KAT6B: variants seen among roughly 807,000 people sequenced by gnomAD.
KAT6B encodes the protein histone acetyltransferase KAT6B.
A neutral mutation model predicts 187.5 loss-of-function variants in KAT6B; 10 were observed. The observed-to-expected ratio is 0.05, with a 90% CI of 0.03 to 0.09. The LOEUF is 0.09. Among genes scored for constraint, KAT6B ranks in the 10% least tolerant of loss-of-function variants. The pLI is 1.00. For synonymous variants in KAT6B, 861 were observed against 926.8 expected, an observed-to-expected ratio of 0.93 and a Z score of 1.29; for missense variants, 1,952 against 2,558.9, an observed-to-expected ratio of 0.76 and a Z score of 5.12.
At chr10:74,918,872 G>C (rs1235305624) in intron 3 of KAT6B, among the ~76,000 whole-genome samples, 7 of 152,112 alleles carry the variant, frequency 4.6e-5, no homozygotes, top group Admixed American at 6.5e-5. Context: ...ATTGTCTTTT[G>C]ACTTCAATTG....
At chr10:74,841,693 C>G (rs762381714) in intron 2 of KAT6B, among the ~76,000 whole-genome samples, 5 of 152,208 alleles carry the variant, frequency 3.3e-5, no homozygotes, top group African/African-American at 1.2e-4. Flanking sequence ...GTTTAAGTGA[C>G]AAGTTATATG....
At chr10:74,857,263 G>A (rs1345933545) in intron 3 of KAT6B, among the ~76,000 whole-genome samples, 2 of 152,188 alleles carry the variant, frequency 1.3e-5, no homozygotes, top group East Asian at 1.9e-4. Context: ...TTAAAATGAA[G>A]GTGAGGGCAA....
At chr10:74,833,805 A>G (rs985717521) in intron 1 of KAT6B, among the ~76,000 whole-genome samples, 1 of 152,246 alleles carries the variant, frequency 6.6e-6, no homozygotes, top group Non-Finnish European at 1.5e-5. Flanking sequence ...AAACATTATT[A>G]GCTTATGAAT....
At chr10:74,946,681 A>G (rs1839971290) in intron 3 of KAT6B, among the ~76,000 whole-genome samples, 1 of 152,226 alleles carries the variant, frequency 6.6e-6, no homozygotes, top group South Asian at 2.1e-4. Context: ...AACAGACTTA[A>G]TCAAATCGTG....
intron 4 of KAT6B, 129 bp from the exon 5 acceptor site, chr10:74,969,531 G>T: frequency 4.3e-6 from 3 of 697,626 alleles, no homozygotes; most frequent in Admixed American, 2.1e-5. Flanking sequence ...TCTCTGATCT[G>T]TTGGCATTTT....
At chr10:74,859,931 C>T (rs1254297105) in intron 3 of KAT6B, among the ~76,000 whole-genome samples, 1 of 152,156 alleles carries the variant, frequency 6.6e-6, no homozygotes, top group African/African-American at 2.4e-5. Context: ...AGCCTGCAGG[C>T]AGTTTGGAGA....
chr10:74,995,359 A>T (rs1843360215), intron 13 of KAT6B, among the ~76,000 whole-genome samples: 1 of 152,116 alleles, frequency 6.6e-6, no homozygotes, highest in African/African-American at 2.4e-5. Context: ...TTTTTATTTT[A>T]TACTTGTTAC....
chr10:74,908,315 C>A (rs1846926621), intron 3 of KAT6B, among the ~76,000 whole-genome samples: 1 of 152,100 alleles, frequency 6.6e-6, no homozygotes, highest in African/African-American at 2.4e-5. Context: ...GTAATCGCGG[C>A]ACTTTGGGAG....
intron 3 of KAT6B, among the ~76,000 whole-genome samples, chr10:74,947,428 T>C (rs1589683695): frequency 6.6e-6 from 1 of 152,256 alleles, no homozygotes; most frequent in East Asian, 1.9e-4. Context: ...TTACCATTTA[T>C]ATGCTAAAGT....
chr10:75,011,187 CTTT>C (rs1564620001), intron 13 of KAT6B, among the ~76,000 whole-genome samples: 1 of 151,912 alleles, frequency 6.6e-6, no homozygotes, highest in African/African-American at 2.4e-5. Flanking sequence ...AAAACTATTT[CTTT>C]TTTTAATGAA....
At chr10:74,864,720 T>G (rs1487254825) in intron 3 of KAT6B, among the ~76,000 whole-genome samples, 1 of 152,130 alleles carries the variant, frequency 6.6e-6, no homozygotes, top group Non-Finnish European at 1.5e-5. Context: ...CTACCCCAGG[T>G]GTTTTGAATT....
At chr10:75,025,715 A>G in intron 17 of KAT6B, 1 of 194,554 alleles carries the variant, frequency 5.1e-6, no homozygotes, top group Non-Finnish European at 1.1e-5. Flanking sequence ...GTCGTAGTAT[A>G]TACTACTATA....
intron 12 of KAT6B, among the ~76,000 whole-genome samples, chr10:74,987,755 A>G (rs569729132): frequency 4.6e-5 from 7 of 152,354 alleles, no homozygotes; most frequent in Middle Eastern, 6.8e-3. Context: ...TTGGATCTCA[A>G]AAAACTCCGA....
At chr10:75,011,087 A>C (rs531299469) in intron 13 of KAT6B, among the ~76,000 whole-genome samples, 1 of 152,292 alleles carries the variant, frequency 6.6e-6, no homozygotes, top group African/African-American at 2.4e-5. Context: ...GAGCAAGCCT[A>C]GGGGGAGCCA....
chr10:74,888,136 C>T (rs1192889791), intron 3 of KAT6B, among the ~76,000 whole-genome samples: 2 of 152,180 alleles, frequency 1.3e-5, no homozygotes, highest in African/African-American at 4.8e-5. Flanking sequence ...TCTCATATCC[C>T]TTCAAGCACT....
chr10:74,907,464 G>T (rs951174537), intron 3 of KAT6B, among the ~76,000 whole-genome samples: 1 of 152,116 alleles, frequency 6.6e-6, no homozygotes, highest in Non-Finnish European at 1.5e-5. Context: ...ACACTGCTTC[G>T]TGATGGCTTT....
rs776774212 is a variant in KAT6B, at chr10:75,021,256, T to A, written c.2992T>A (p.Ser998Thr). 4 of 1,614,084 alleles carry A rather than the reference T, an allele frequency of 2.5e-6. No individual in the cohort carries two copies. In the Admixed American group the frequency reaches 6.7e-5, roughly 27 times the overall value. The change falls in exon 15 of 18, where the codon TCT becomes ACT. Residue 998 changes from serine (S) to threonine (T), a missense_variant. Coordinates refer to ENST00000287239, the MANE Select transcript of KAT6B (RefSeq NM_012330.4). Reference protein sequence around the residue: ...TPILISNAAVSEEEREAEKEA... With the variant: ...TPILISNAAVTEEEREAEKEA... ...AATTTTAATTTCTAATGCTGCAGTG[T>A]CTGAAGAAGAGCGAGAAGCTGAGAA...
At position 74,960,025 on chromosome 10, in the gene KAT6B, A is replaced by G; in HGVS notation, c.677A>G (p.Asn226Ser). 4 of 1,613,830 alleles carry G rather than the reference A, an allele frequency of 2.5e-6. No individual in the cohort carries two copies. The highest frequency in any genetic ancestry group is 3.4e-6 in the Non-Finnish European group (4 of 1,179,738). ...TTCTGTTTGGGGACTAAAGAATCAA[A>G]TCGTGAAAAGAAACCAGAAGAACTC... ...CSFCLGTKESNREKKPEELLS... is the reference protein window; with the variant it reads ...CSFCLGTKESSREKKPEELLS... Residue 226 changes from asparagine (N) to serine (S), a missense_variant, in exon 4 of 18, where the codon AAT becomes AGT. Physicochemically the swap from Asn to Ser is conservative, Grantham distance 46 (BLOSUM62 1). Transcript: ENST00000287239.
At position 74,989,102 on chromosome 10, in the gene KAT6B, C is replaced by T. The variant is rs1454363426; in HGVS notation, c.2619C>T (p.Leu873=). 2.5e-6 allele frequency: 4 copies of T among 1,610,760 alleles called. No homozygotes were observed. The highest frequency in any genetic ancestry group is 2.5e-6 in the Non-Finnish European group (3 of 1,176,936). The part of the protein sequence containing the change: ...QHQRQGFGRF[L]IDFSYLLSRR... The stretch of plus-strand genomic sequence containing the variant: ...AAAGGCAAGGATTTGGACGGTTTCT[C>T]ATTGATTTCAGTAAGTGAAGTACTT... The change falls in exon 13 of 18, where the codon CTC becomes CTT. Residue 873 remains leucine (L), a synonymous_variant. Coordinates refer to ENST00000287239, the MANE Select transcript of KAT6B (RefSeq NM_012330.4).
Sources: gnomAD v4.1 joint callset for allele counts (sites outside exome capture counted in the v4.1 genomes callset) on GRCh38, gnomAD v4.1.1 for gene constraint, MANE v1.5 for transcripts, NCBI Gene and HGNC (gene_info 2026-07-23, HGNC 2026-07-21) for gene names.